CBX1: variants seen among roughly 807,000 people sequenced by gnomAD.
The protein encoded by CBX1 is chromobox 1, also known as chromobox protein homolog 1.
In CBX1, 10 loss-of-function variants were observed where a neutral mutation model predicts 25.1. The observed-to-expected ratio is 0.40, with a 90% confidence interval of 0.25 to 0.68. CBX1 has a LOEUF of 0.68. Among genes scored for constraint, CBX1 ranks in the 30% least tolerant of loss-of-function variants. CBX1 has a pLI of 0.40. For synonymous variants in CBX1, 63 were observed against 79.4 expected, an observed-to-expected ratio of 0.79 and a Z score of 1.10; for missense variants, 106 against 218.5, an observed-to-expected ratio of 0.49 and a Z score of 3.25.
At chr17:48,097,655 C>T (rs1037206712) in intron 1 of CBX1, among the ~76,000 whole-genome samples, 2 of 151,752 alleles carry the variant, frequency 1.3e-5, no homozygotes, top group African/African-American at 4.8e-5. Context: ...AGTTCTGTTA[C>T]GCACTCAAAG....
chr17:48,085,514 C>G (rs2063307445), intron 1 of CBX1, among the ~76,000 whole-genome samples: 1 of 150,894 alleles, frequency 6.6e-6, no homozygotes. Flanking sequence ...AAGAAAGTGA[C>G]TGGTAATGAT....
rs1598301333 is a variant in CBX1, at chr17:48,070,600, G to C, written c.*835C>G. ...ATAACTTCGTTACTGGAAAAGAAAG[G>C]GTCTTCTAATTTCGGGAATTAGCAC... On this transcript the variant is annotated 3_prime_UTR_variant, in exon 5 of 5. Transcript: ENST00000225603. 4 of 152,648 alleles carry C rather than the reference G, an allele frequency of 2.6e-5. 1 individual carries two copies. The East Asian group carries it at 7.7e-4, about 29-fold the overall frequency. The allele number at this position is 152,648 out of a possible 1,614,324, so 9.5% of individuals were successfully genotyped here. A position where few individuals can be genotyped will look rare whatever the true frequency, so the allele number is the denominator to read the frequency against.
At chr17:48,098,791 C>G (rs55707861) in intron 1 of CBX1, among the ~76,000 whole-genome samples, 1 of 152,194 alleles carries the variant, frequency 6.6e-6, no homozygotes, top group Non-Finnish European at 1.5e-5. Flanking sequence ...TCTACCAAAT[C>G]TAATGCAAAA....
In CBX1 at chr17:48,070,281, T is replaced by A. The variant is rs909334680; in HGVS notation, c.*1154A>T. 2 of 152,656 alleles carry A rather than the reference T, an allele frequency of 1.3e-5. No homozygotes were observed. Among genetic ancestry groups the A allele is most frequent in the African/African-American group, 4.8e-5 (2 of 41,460 alleles). 9.5% of individuals were successfully genotyped at this position (152,656 alleles called of 1,614,324 possible). On this transcript the variant is annotated 3_prime_UTR_variant, in exon 5 of 5. Transcript: ENST00000225603. ...ATTTCTTAAAAAATTGTTTTGTGTG[T>A]GTATGTGTGTGTTTTAAAGTGAACC...
At chr17:48,089,913 A>C (rs966716766) in intron 1 of CBX1, among the ~76,000 whole-genome samples, 6 of 151,742 alleles carry the variant, frequency 4.0e-5, no homozygotes, top group African/African-American at 1.5e-4. Context: ...AATTTTAACG[A>C]AATTTATTTG....
chr17:48,090,514 GC>G (rs2144460198), intron 1 of CBX1, among the ~76,000 whole-genome samples: 1 of 151,872 alleles, frequency 6.6e-6, no homozygotes, highest in South Asian at 2.1e-4. Context: ...CTTTTTTCCA[GC>G]CCCACTGCTG....
In CBX1 at chr17:48,071,400, C is replaced by T. The variant is rs1210111073; in HGVS notation, c.*35G>A. ...TCCTTCCCTTCCCACTTGAAACCCA[C>T]AGTCAGATGTGACAGGGGCTGGTAC... On this transcript the variant is annotated 3_prime_UTR_variant, in exon 5 of 5. Coordinates refer to ENST00000225603, the MANE Select transcript of CBX1 (RefSeq NM_001127228.2). 1 of 1,568,816 alleles carries T rather than the reference C, an allele frequency of 6.4e-7. No homozygotes were observed. The highest frequency in any genetic ancestry group is 8.6e-7 in the Non-Finnish European group (1 of 1,158,570).
intron 1 of CBX1, among the ~76,000 whole-genome samples, chr17:48,092,886 C>T (rs1437519960): frequency 6.6e-6 from 1 of 151,944 alleles, no homozygotes; most frequent in African/African-American, 2.4e-5. Flanking sequence ...GCCTGACCAA[C>T]ATGGAGAAAC....
intron 4 of CBX1, 158 bp downstream of exon 4, chr17:48,074,848 G>A (rs2037659122): frequency 1.5e-6 from 1 of 659,600 alleles, no homozygotes; most frequent in Non-Finnish European, 2.7e-6. Context: ...ATGAGTCCAG[G>A]GTGGCAGTCA....
chr17:48,092,837 G>A (rs751923440), intron 1 of CBX1, among the ~76,000 whole-genome samples: 41 of 152,056 alleles, frequency 2.7e-4, no homozygotes, highest in Non-Finnish European at 4.7e-4. Context: ...TTGGGAGGCC[G>A]AGGTCGGCAG....
At chr17:48,084,202 C>CTTTTTTTTT (rs869263376) in intron 1 of CBX1, among the ~76,000 whole-genome samples, 1 of 61,320 alleles carries the variant, frequency 1.6e-5, no homozygotes, top group East Asian at 7.8e-4. Context: ...TCTTTCTTTC[C>CTTTTTTTTT]TTTTTTTTTT....
At chr17:48,100,653 G>C in intron 1 of CBX1, 1 of 871,690 alleles carries the variant, frequency 1.1e-6, no homozygotes, top group Non-Finnish European at 1.4e-6. Context: ...TATCCTAACA[G>C]CTCCTCCCCT....
At chr17:48,099,404 CTACTATT>C (rs984961875) in intron 1 of CBX1, among the ~76,000 whole-genome samples, 7 of 108,316 alleles carry the variant, frequency 6.5e-5, no homozygotes, top group African/African-American at 3.5e-4. Flanking sequence ...GCGCCCGACC[CTACTATT>C]TATTTTTTTA....
chr17:48,099,209 T>C (rs2063393565), intron 1 of CBX1, among the ~76,000 whole-genome samples: 1 of 152,172 alleles, frequency 6.6e-6, no homozygotes, highest in Admixed American at 6.5e-5. Flanking sequence ...TTCAAGCGAT[T>C]CTCCTGCCTC....
intron 1 of CBX1, among the ~76,000 whole-genome samples, chr17:48,092,606 G>A (rs1333437552): frequency 6.6e-6 from 1 of 151,410 alleles, no homozygotes; most frequent in African/African-American, 2.4e-5. Context: ...GGTGCCCGCC[G>A]CTGCACCTGG....
At chr17:48,084,525 C>T (rs1231749679) in intron 1 of CBX1, among the ~76,000 whole-genome samples, 1 of 148,854 alleles carries the variant, frequency 6.7e-6, no homozygotes, top group Non-Finnish European at 1.5e-5. Context: ...TTCTGTTAAA[C>T]TCCTGGCCTC....
rs780623608 is a variant in CBX1 at position 48,075,113 on chromosome 17, G to A, written c.319-13C>T. 32 of 1,587,654 alleles carry A rather than the reference G, an allele frequency of 2.0e-5. 1 individual carries two copies. The Admixed American group carries it at 4.2e-4, about 21-fold the overall frequency. Reference sequence around the variant, plus strand: ...GTGGCTTTTCTGACTGTAAAAACAAGATGGGTAGAACAATTTTATCTATAT... The same window carrying A: ...GTGGCTTTTCTGACTGTAAAAACAAAATGGGTAGAACAATTTTATCTATAT... On this transcript the variant is annotated splice_polypyrimidine_tract_variant and intron_variant, in intron 3 of 4. Transcript: ENST00000225603.
chr17:48,072,233 ACTC>A (rs2037631165), intron 4 of CBX1, among the ~76,000 whole-genome samples: 1 of 149,948 alleles, frequency 6.7e-6, no homozygotes, highest in African/African-American at 2.5e-5. Context: ...CTCATCTTGA[ACTC>A]CTGACATCAG....
At chr17:48,098,049 G>A (rs2063385025) in intron 1 of CBX1, among the ~76,000 whole-genome samples, 1 of 152,112 alleles carries the variant, frequency 6.6e-6, no homozygotes, top group Non-Finnish European at 1.5e-5. Flanking sequence ...ACCAGAGTGA[G>A]TACAAAACTG....
Sources: allele counts gnomAD v4.1 joint callset (sites outside exome capture counted in the v4.1 genomes callset), GRCh38; gene constraint gnomAD v4.1.1; transcripts MANE v1.5; gene names NCBI Gene and HGNC (gene_info 2026-07-23, HGNC 2026-07-21).